COL1A1: variants seen among roughly 807,000 people sequenced by gnomAD.
The protein encoded by COL1A1 is collagen alpha-1(I) chain.
In COL1A1, 21 loss-of-function variants were observed where a neutral mutation model predicts 195.7. The observed-to-expected ratio is 0.11, with a 90% CI of 0.08 to 0.15. The LOEUF (loss-of-function observed/expected upper bound fraction) is 0.15. Among genes scored for constraint, COL1A1 ranks in the 10% least tolerant of loss-of-function variants. The probability of loss-of-function intolerance (pLI) is 1.00; values close to 1 mark genes in which losing one functional copy is unlikely to be tolerated. For missense variants in COL1A1, 1,365 were observed against 2,051.0 expected (o/e 0.67, Z 6.46); for synonymous variants, 749 against 747.3 (o/e 1.00, Z -0.04).
At chr17:50,200,407 G>T (rs2144596493) in intron 1 of COL1A1, among the ~76,000 whole-genome samples, 1 of 152,240 alleles carries the variant, frequency 6.6e-6, no homozygotes, top group South Asian at 2.1e-4. Flanking sequence ...GGGCAGGTGG[G>T]GTGGCGGGGG....
chr17:50,190,354 G>C lies in COL1A1; in HGVS notation c.2424C>G (p.Pro808=). The change falls in exon 35 of 51, where the codon CCC becomes CCG. Residue 808 remains proline (P), a synonymous_variant. Transcript: ENST00000225964. This position sits in a 1 kb window ranked among gnomAD's most constrained non-coding sequence, Gnocchi z 4.7. ...APGDRGEPGP[P]GPAGFAGPPG... The stretch of plus-strand genomic sequence containing the variant: ...GGGGGCCAGCAAAGCCAGCAGGGCC[G>C]GGGGGACCAGGCTCACCACGGTCTC... The C allele has an allele frequency of 6.2e-7, 1 of 1,605,670 alleles. No homozygotes were observed. Among genetic ancestry groups the C allele is most frequent in the Non-Finnish European group, 8.5e-7 (1 of 1,173,214 alleles).
chr17:50,196,394 A>G, intron 13 of COL1A1, 27 bp from the exon 14 acceptor site: 1 of 1,614,070 alleles, frequency 6.2e-7, no homozygotes, highest in Non-Finnish European at 8.5e-7. Context: ...GAGAAGTCAG[A>G]TGAGATGGGA....
intron 9 of COL1A1, 31 bp downstream of exon 9, chr17:50,197,701 C>T (rs1202882854): frequency 1.3e-6 from 2 of 1,551,748 alleles, no homozygotes; most frequent in African/African-American, 2.8e-5. Context: ...GCCATGGGGT[C>T]AGATGGTATC....
Position 50,197,779 on chromosome 17 carries a change from T to C in COL1A1, c.649A>G (p.Met217Val), listed in dbSNP as rs763409550. ...GGACCTGGGGGACCTCGGGGACCCA[T>C]GGGACCCTAGAAAAGATAGAAGAGG... Reference protein sequence around the residue: ...EPGEPGASGPMGPRGPPGPPG... With the variant: ...EPGEPGASGPVGPRGPPGPPG... Residue 217 changes from methionine to valine, a missense_variant, in exon 9 of 51, where the codon ATG (methionine) becomes GTG (valine). Physicochemically the swap from Met to Val is conservative, Grantham distance 21 (BLOSUM62 1). This residue lies in a region of COL1A1 where 226 missense variants were observed against 372.9 expected (regional missense o/e 0.61). Transcript: ENST00000225964. 1 of 1,608,898 alleles carries C rather than the reference T, an allele frequency of 6.2e-7. No homozygotes were observed. Among genetic ancestry groups the C allele is most frequent in the South Asian group, 1.1e-5 (1 of 90,246 alleles).
Position 50,184,475 on chromosome 17 carries a change from C to CAAAAAAAAAA in COL1A1, c.*1017_*1026dup, listed in dbSNP as rs58879635. 1 of 108,046 alleles carries CAAAAAAAAAA rather than the reference C, an allele frequency of 9.3e-6. No homozygotes were observed. Among genetic ancestry groups the CAAAAAAAAAA allele is most frequent in the Non-Finnish European group, 1.8e-5 (1 of 56,588 alleles). The allele number at this position is 108,046 out of a possible 1,614,324, so 6.7% of individuals were successfully genotyped here. A position where few individuals can be genotyped will look rare whatever the true frequency, so the allele number is the denominator to read the frequency against. ...AGAAAAATTCACAAGTCCCCATCCA[C>CAAAAAAAAAA]AAAAAAAAAAAAAAAAAAAGAAAAA... On this transcript the variant is annotated 3_prime_UTR_variant, in exon 51 of 51. Transcript: ENST00000225964.
rs372017541 is a variant in COL1A1, at chr17:50,196,015, T to C, written c.1003-39A>G. ...GGAGATGTCAGCGAGAAGGAAGAGA[T>C]GGCAGCTGCAAGTCACACCCTGGGA... is the stretch of plus-strand genomic sequence containing the variant. On this transcript the variant is annotated intron_variant, in intron 15 of 50. Transcript: ENST00000225964. 1.3e-5 allele frequency: 20 copies of C among 1,599,130 alleles called. No homozygotes were observed. The Admixed American group carries it at 3.1e-4, about 25-fold the overall frequency.
chr17:50,192,031 G>C lies in COL1A1; in HGVS notation c.1984-7C>G, dbSNP rs376886366. On this transcript the variant is annotated splice_polypyrimidine_tract_variant and splice_region_variant and intron_variant, in intron 29 of 50. Coordinates refer to ENST00000225964, the MANE Select transcript of COL1A1 (RefSeq NM_000088.4). ...CAAGGTCTCCAGGAACACCCTGAGGGGGAGGGAGAGAGGAACAGACAGTGA... is the reference window on the plus strand; with the variant it reads ...CAAGGTCTCCAGGAACACCCTGAGGCGGAGGGAGAGAGGAACAGACAGTGA... 99 of 1,611,952 alleles carry C rather than the reference G, an allele frequency of 6.1e-5. No homozygotes were observed. In the African/African-American group the frequency reaches 1.1e-3, roughly 18 times the overall value.
chr17:50,193,974 A>G lies in COL1A1; in HGVS notation c.1736T>C (p.Val579Ala). ...GPPGARGQAG[V>A]MGFPGPKGAA... ...ACCTTTAGGTCCAGGGAATCCCATCACACCAGCCTGACCACGGGCACCAGG... is the reference window on the plus strand; with the variant it reads ...ACCTTTAGGTCCAGGGAATCCCATCGCACCAGCCTGACCACGGGCACCAGG... The change falls in exon 25 of 51, where the codon GTG becomes GCG. Residue 579 changes from valine (V) to alanine (A), a missense_variant. Val to Ala is a moderately conservative substitution (Grantham distance 64). Coordinates refer to ENST00000225964, the MANE Select transcript of COL1A1 (RefSeq NM_000088.4). 8 of 1,614,104 alleles carry G rather than the reference A, an allele frequency of 5.0e-6. No homozygotes were observed. The highest frequency in any genetic ancestry group is 6.8e-6 in the Non-Finnish European group (8 of 1,180,032).
intron 32 of COL1A1, 113 bp downstream of exon 32, chr17:50,191,270 G>A (rs1381811479): frequency 9.6e-6 from 10 of 1,038,970 alleles, no homozygotes; most frequent in Non-Finnish European, 1.1e-5. Context: ...GAAGAAGGGA[G>A]GATTAGCGAG....
Position 50,189,204 on chromosome 17 carries a change from T to C in COL1A1, c.2901A>G (p.Arg967=). Residue 967 remains arginine (R), a synonymous_variant, in exon 40 of 51, where the codon AGA becomes AGG. Coordinates refer to ENST00000225964, the MANE Select transcript of COL1A1 (RefSeq NM_000088.4). The surrounding 1 kb of genome is among the most constrained non-coding windows in gnomAD (Gnocchi z 5.5). The part of the protein sequence containing the change: ...QRGVVGLPGQ[R]GERGFPGLPG... Reference sequence around the variant, plus strand: ...GAAGACCAGGGAAGCCTCTCTCTCCTCTCTGACCAGGCAGGCCGACCACAC... The same window carrying C: ...GAAGACCAGGGAAGCCTCTCTCTCCCCTCTGACCAGGCAGGCCGACCACAC... 6.2e-7 allele frequency: 1 copy of C among 1,613,258 alleles called. No homozygotes were observed. The highest frequency in any genetic ancestry group is 2.2e-5 in the East Asian group (1 of 44,722).
rs1397290434 is a variant in COL1A1, at chr17:50,190,177, A to T, written c.2452-69T>A. ...AGTTTCCACTACCTGGGGGAGGAGC[A>T]GTAATGGAGGCAGGAAGATGCTTGG... On this transcript the variant is annotated intron_variant, in intron 35 of 50. Coordinates refer to ENST00000225964, the MANE Select transcript of COL1A1 (RefSeq NM_000088.4). The surrounding 1 kb of genome is among the most constrained non-coding windows in gnomAD (Gnocchi z 4.7). 7.3e-7 allele frequency: 1 copy of T among 1,362,762 alleles called. No homozygotes were observed. Among genetic ancestry groups the T allele is most frequent in the Non-Finnish European group, 1.1e-6 (1 of 951,798 alleles). The allele number at this position is 1,362,762 out of a possible 1,614,324, so 84.4% of individuals were successfully genotyped here.
chr17:50,188,428 C>T lies in COL1A1; in HGVS notation c.3207+102G>A. On this transcript the variant is annotated intron_variant, in intron 43 of 50. Coordinates refer to ENST00000225964, the MANE Select transcript of COL1A1 (RefSeq NM_000088.4). The surrounding 1 kb of genome is among the most constrained non-coding windows in gnomAD (Gnocchi z 5.6). ...ACATCTTGCAGGATCTCCTTTCCTCCCCCTGCCTGGGTGAAGTCCGACACC... is the reference window on the plus strand; with the variant it reads ...ACATCTTGCAGGATCTCCTTTCCTCTCCCTGCCTGGGTGAAGTCCGACACC... 1 of 1,193,272 alleles carries T rather than the reference C, an allele frequency of 8.4e-7. No homozygotes were observed. Among genetic ancestry groups the T allele is most frequent in the South Asian group, 1.2e-5 (1 of 81,052 alleles). The allele number at this position is 1,193,272 out of a possible 1,614,324, so 73.9% of individuals were successfully genotyped here.
Position 50,197,251 on chromosome 17 carries a change from G to A in COL1A1, c.697-18C>T. 1 of 1,612,156 alleles carries A rather than the reference G, an allele frequency of 6.2e-7. No individual in the cohort carries two copies. The highest frequency in any genetic ancestry group is 1.1e-5 in the South Asian group (1 of 90,994). Reference sequence around the variant, plus strand: ...GCTTCCCCCTGAGAGGGAGAGAAAAGACCATCATGCCTCTGCCTCCCCACC... The same window carrying A: ...GCTTCCCCCTGAGAGGGAGAGAAAAAACCATCATGCCTCTGCCTCCCCACC... On this transcript the variant is annotated intron_variant, in intron 9 of 50. Transcript: ENST00000225964.
Position 50,197,755 on chromosome 17 carries a change from G to T in COL1A1, c.673C>A (p.Pro225Thr), listed in dbSNP as rs1275328356. 1 of 1,601,698 alleles carries T rather than the reference G, an allele frequency of 6.2e-7. No homozygotes were observed. Among genetic ancestry groups the T allele is most frequent in the African/African-American group, 1.4e-5 (1 of 73,664 alleles). ...GPMGPRGPPG[P>T]PGKNGDDGEA... ...ACATCATCTCCATTCTTTCCAGGGG[G>T]ACCTGGGGGACCTCGGGGACCCATG... The change falls in exon 9 of 51, where the codon CCC becomes ACC. Residue 225 changes from proline (P) to threonine (T), a missense_variant. Pro to Thr is a conservative substitution (Grantham distance 38). Transcript: ENST00000225964.
chr17:50,191,749 C>T, intron 31 of COL1A1, 39 bp downstream of exon 31: 1 of 1,549,648 alleles, frequency 6.5e-7, no homozygotes, highest in Non-Finnish European at 8.7e-7. Context: ...GACCTGGTCC[C>T]TGGGCCACTT....
chr17:50,195,360 C>A lies in COL1A1; in HGVS notation c.1201-30G>T. On this transcript the variant is annotated intron_variant, in intron 18 of 50. Transcript: ENST00000225964. The surrounding 1 kb of genome is among the most constrained non-coding windows in gnomAD (Gnocchi z 4.3). ...GGGAGGCAGACAGCCAGGGCGTGAGCCTAGGAGCAGAGGGAAAGGGGCAGG... is the reference window on the plus strand; with the variant it reads ...GGGAGGCAGACAGCCAGGGCGTGAGACTAGGAGCAGAGGGAAAGGGGCAGG... The A allele has an allele frequency of 6.2e-7, 1 of 1,613,776 alleles. No homozygotes were observed. Among genetic ancestry groups the A allele is most frequent in the Non-Finnish European group, 8.5e-7 (1 of 1,179,812 alleles).
At chr17:50,198,060 C>T in intron 7 of COL1A1, 58 bp from the exon 8 acceptor site, 1 of 1,609,442 alleles carries the variant, frequency 6.2e-7, no homozygotes, top group South Asian at 1.1e-5. Context: ...CTTCTCCAAT[C>T]TTACCAAGAG....
Position 50,191,806 on chromosome 17 carries a change from G to T in COL1A1, c.2109C>A (p.Pro703=), listed in dbSNP as rs776830248. 1 of 1,592,034 alleles carries T rather than the reference G, an allele frequency of 6.3e-7. No individual in the cohort carries two copies. The highest frequency in any genetic ancestry group is 1.1e-5 in the South Asian group (1 of 87,980). Residue 703 remains proline, a synonymous_variant, in exon 31 of 51, where the codon CCC becomes CCA. Transcript: ENST00000225964. The stretch of plus-strand genomic sequence containing the variant: ...CCCTCACCTTAGCACCATCGTTGCC[G>T]GGAGCACCGTTGGCCCCTCGGGGAC... ...PAGPRGANGA[P]GNDGAKGDAG... is the part of the protein sequence containing the mutation.
At position 50,189,174 on chromosome 17, in the gene COL1A1, G is replaced by A. The variant is rs374615784; in HGVS notation, c.2931C>T (p.Gly977=). 2 of 1,613,796 alleles carry A rather than the reference G, an allele frequency of 1.2e-6. No individual in the cohort carries two copies. The highest frequency in any genetic ancestry group is 2.2e-5 in the South Asian group (2 of 91,072). ...AGGTGAGGGGGGCACTTACAGAGGG[G>A]CCAGGAAGACCAGGGAAGCCTCTCT... ...RGERGFPGLP[G]PSGEPGKQGP... The change falls in exon 40 of 51, where the codon GGC becomes GGT. Residue 977 remains glycine (G), a synonymous_variant. Coordinates refer to ENST00000225964, the MANE Select transcript of COL1A1 (RefSeq NM_000088.4). This position sits in a 1 kb window ranked among gnomAD's most constrained non-coding sequence, Gnocchi z 5.5.
Sources: gnomAD v4.1 joint callset for allele counts (sites outside exome capture counted in the v4.1 genomes callset) on GRCh38, gnomAD v4.1.1 for gene constraint, gnomAD v4.1.1 regional missense constraint, Gnocchi (gnomAD v3.1) non-coding constraint, MANE v1.5 for transcripts, NCBI Gene and HGNC (gene_info 2026-07-23, HGNC 2026-07-21) for gene names.